The following ECI2 variants were observed in gnomAD, a reference collection of about 807,000 sequenced individuals.
The protein encoded by ECI2 is D3,D2-enoyl-CoA isomerase.
A neutral mutation model predicts 38.4 loss-of-function variants in ECI2; 27 were observed. The ratio of observed to expected loss-of-function variants is 0.70; its 90% CI spans 0.52 to 0.97. The LOEUF is 0.97. Among genes scored for constraint, ECI2 ranks in the 50% least tolerant of loss-of-function variants. The probability of loss-of-function intolerance (pLI) is 0.00; values close to 1 mark genes in which losing one functional copy is unlikely to be tolerated. For missense variants in ECI2, 470 were observed against 474.4 expected (o/e 0.99, Z 0.09); for synonymous variants, 168 against 172.0 (o/e 0.98, Z 0.18).
intron 7 of ECI2, among the ~76,000 whole-genome samples, chr6:4,120,364 G>C (rs1169496340): frequency 3.9e-5 from 6 of 152,194 alleles, no homozygotes; most frequent in Non-Finnish European, 7.3e-5. Context: ...AACTTGGACA[G>C]CATGTTACTA....
chr6:4,118,817 C>T (rs659025), intron 8 of ECI2: 50,661 of 171,116 alleles, frequency 0.3, 7,734 homozygotes, highest in East Asian at 0.37. Flanking sequence ...ATAAAGGAAC[C>T]GAGTGGCCTC....
intron 7 of ECI2, among the ~76,000 whole-genome samples, chr6:4,122,894 A>G (rs1167911537): frequency 6.6e-6 from 1 of 152,226 alleles, no homozygotes; most frequent in Non-Finnish European, 1.5e-5. Context: ...TAGAGTGCCT[A>G]AACAGTGACC....
At chr6:4,122,837 ATG>A (rs1412951072) in intron 7 of ECI2, among the ~76,000 whole-genome samples, 5 of 152,116 alleles carry the variant, frequency 3.3e-5, no homozygotes, top group Admixed American at 2.0e-4. Flanking sequence ...TTACGTGAAT[ATG>A]TGTGTGTGTA....
intron 4 of ECI2, 127 bp from the exon 5 acceptor site, chr6:4,127,958 T>C: frequency 1.2e-6 from 1 of 808,876 alleles, no homozygotes; most frequent in Non-Finnish European, 1.8e-6. Flanking sequence ...TTTGGTTGTA[T>C]TTTATAACCA....
At chr6:4,120,544 T>C (rs1313740015) in intron 7 of ECI2, among the ~76,000 whole-genome samples, 1 of 152,024 alleles carries the variant, frequency 6.6e-6, no homozygotes, top group African/African-American at 2.4e-5. Flanking sequence ...CTGGCCAACG[T>C]AGTGAAACCC....
intron 7 of ECI2, chr6:4,121,910 TTC>T (rs1466003210): frequency 4.2e-6 from 5 of 1,178,392 alleles, no homozygotes; most frequent in Non-Finnish European, 6.0e-6. Context: ...TTTTAAAAGT[TTC>T]TGTTAATGTC....
rs200673444 is a variant in ECI2, at chr6:4,130,797, G to A, written c.282C>T (p.Asp94=). Residue 94 remains aspartate, a synonymous_variant, in exon 3 of 10, where the codon GAC becomes GAT. Coordinates refer to ENST00000380118, the MANE Select transcript of ECI2 (RefSeq NM_206836.3). ...VFDLINKAKW[D]AWNALGSLPK... The stretch of plus-strand genomic sequence containing the variant: ...GCAGGCTGCCAAGGGCATTCCATGC[G>A]TCCCATTTGGCCTTGTTGATCAAGT... The A allele has an allele frequency of 6.1e-5, 99 of 1,614,062 alleles. 3 individuals are homozygous for A. The Middle Eastern group carries it at 8.2e-4, about 13-fold the overall frequency.
rs1217226499 is a variant in ECI2 at position 4,130,631 on chromosome 6, A to G, written c.313-71T>C. The G allele has an allele frequency of 3.1e-6, 5 of 1,609,790 alleles. No homozygotes were observed. In the African/African-American group the frequency reaches 6.7e-5, roughly 22 times the overall value. On this transcript the variant is annotated intron_variant, in intron 3 of 9. Transcript: ENST00000380118. ...AGCACTTTGAGAAAGTTACTATACT[A>G]ATAACTAACACCTTGCAATGAAGAA...
In ECI2 at chr6:4,133,563, C is replaced by T. The variant is rs758489249; in HGVS notation, c.199G>A (p.Ala67Thr). 9.9e-6 allele frequency: 16 copies of T among 1,612,512 alleles called. No homozygotes were observed. The highest frequency in any genetic ancestry group is 3.3e-5 in the Admixed American group (2 of 59,716). ...PGNEVKLKLYALYKQATEGPC... is the reference protein window; with the variant it reads ...PGNEVKLKLYTLYKQATEGPC... ...TAGGCATTTACCTGCTTATATAGCGCGTAGAGTTTTAGCTTCACTTCGTTT... is the reference window on the plus strand; with the variant it reads ...TAGGCATTTACCTGCTTATATAGCGTGTAGAGTTTTAGCTTCACTTCGTTT... Residue 67 changes from alanine to threonine, a missense_variant, in exon 2 of 10, where the codon GCG becomes ACG. By Grantham distance (58) the Ala-to-Thr change is moderately conservative. Transcript: ENST00000380118.
intron 1 of ECI2, chr6:4,135,177 G>C (rs1380553652): frequency 1.6e-6 from 1 of 616,134 alleles, no homozygotes; most frequent in African/African-American, 1.8e-5. Context: ...TGCAGGCCCG[G>C]GTGCTCAGCT....
At chr6:4,129,749 C>T (rs563535127) in intron 4 of ECI2, among the ~76,000 whole-genome samples, 11 of 151,962 alleles carry the variant, frequency 7.2e-5, no homozygotes, top group Non-Finnish European at 1.0e-4. Context: ...GGTTATTGAC[C>T]CAATGGTCAT....
At chr6:4,130,004 G>T (rs1773418737) in intron 4 of ECI2, 3 of 1,015,866 alleles carry the variant, frequency 3.0e-6, no homozygotes, top group Non-Finnish European at 4.4e-6. Flanking sequence ...CGTGCAAGCA[G>T]AAAGACTTAC....
At chr6:4,118,051 G>A (rs1056508658) in intron 8 of ECI2, 3 of 151,914 alleles carry the variant, frequency 2.0e-5, no homozygotes, top group African/African-American at 7.3e-5. Context: ...TTTTTTTTGA[G>A]ACAGAGTCTC....
At chr6:4,116,393 A>T (rs1256589535) in intron 9 of ECI2, among the ~76,000 whole-genome samples, 1 of 151,756 alleles carries the variant, frequency 6.6e-6, no homozygotes, top group East Asian at 2.0e-4. Flanking sequence ...AGATTATTCT[A>T]TGATTCTGGT....
rs1017968228 is a variant in ECI2 at position 4,131,956 on chromosome 6, T to G, written c.214-1091A>C. Among the ~76,000 whole-genome samples the G allele has an allele frequency of 3.3e-5, 5 of 151,652 alleles. No homozygotes were observed. The East Asian group carries it at 7.7e-4, about 23-fold the overall frequency. On this transcript the variant is annotated intron_variant, in intron 2 of 9. Transcript: ENST00000380118. ...CAGAGATAGTGTCATCTGGCAAGAG[T>G]TGGCCAACCTAGAAGTTAGAGGGAA... is the stretch of plus-strand genomic sequence containing the variant.
chr6:4,123,203 G>A (rs1561652502), intron 7 of ECI2, among the ~76,000 whole-genome samples: 1 of 151,704 alleles, frequency 6.6e-6, no homozygotes, highest in African/African-American at 2.4e-5. Context: ...TTGAGACAGA[G>A]TCTCGCTCTG....
At chr6:4,127,404 CTTTTTTTTTTTT>C (rs71001567) in intron 5 of ECI2, among the ~76,000 whole-genome samples, 46 of 75,886 alleles carry the variant, frequency 6.1e-4, no homozygotes, top group African/African-American at 1.2e-3. Context: ...ATCTTAGAGC[CTTTTTTTTTTTT>C]TTTTTTTTTT....
chr6:4,130,054 T>C (rs1773421447), intron 4 of ECI2: 1 of 1,533,370 alleles, frequency 6.5e-7, no homozygotes. Context: ...CTGGGAGCAG[T>C]CTACACCAAC....
At chr6:4,126,552 G>C (rs76157072) in intron 5 of ECI2, among the ~76,000 whole-genome samples, 34 of 152,324 alleles carry the variant, frequency 2.2e-4, no homozygotes, top group Non-Finnish European at 3.8e-4. Flanking sequence ...GAGATCTGAA[G>C]GAGAGGCCAG....
Sources: gnomAD v4.1 joint callset for allele counts (sites outside exome capture counted in the v4.1 genomes callset) on GRCh38, gnomAD v4.1.1 for gene constraint, MANE v1.5 for transcripts, NCBI Gene and HGNC (gene_info 2026-07-23, HGNC 2026-07-21) for gene names.